Variants in LOXHD1 observed in about 807,000 individuals in gnomAD.
The protein encoded by LOXHD1 is lipoxygenase homology PLAT domains 1, also known as lipoxygenase homology domain-containing protein 1.
LOXHD1 carries 205 observed loss-of-function variants against 248.2 expected under a neutral mutation model. The ratio of observed to expected loss-of-function variants is 0.83; its 90% CI spans 0.74 to 0.93. LOXHD1 has a LOEUF of 0.93. LOXHD1 is among the 40% of genes least tolerant of loss of function. LOXHD1 has a pLI of 0.00. For synonymous variants in LOXHD1, 1,113 were observed against 1,162.8 expected, an observed-to-expected ratio of 0.96 and a Z score of 0.87; for missense variants, 2,930 against 2,971.6, an observed-to-expected ratio of 0.99 and a Z score of 0.33.
chr18:46,522,030 C>CACTCTCCCTG, intron 32 of LOXHD1, 71 bp downstream of exon 32: 1 of 1,218,792 alleles, frequency 8.2e-7, no homozygotes, highest in Non-Finnish European at 1.1e-6. Context: ...ACTCTCCCGC[C>CACTCTCCCTG]CACCCAGGAA....
chr18:46,585,834 A>G (rs910146907), intron 12 of LOXHD1, among the ~76,000 whole-genome samples: 2 of 152,268 alleles, frequency 1.3e-5, no homozygotes, highest in Admixed American at 1.3e-4. Flanking sequence ...AAAATGGTAC[A>G]GCTATTTTGA....
chr18:46,591,910 A>T, intron 12 of LOXHD1, 23 bp downstream of exon 12: 1 of 1,551,378 alleles, frequency 6.4e-7, no homozygotes, highest in Non-Finnish European at 8.7e-7. Flanking sequence ...GCCTCCCAGG[A>T]TGGAGAGCCT....
rs373924055 is a variant in LOXHD1 at position 46,518,215 on chromosome 18, G to A, written c.5313C>T (p.Gly1771=). Residue 1771 remains glycine (G), a synonymous_variant, in exon 34 of 41, where the codon GGC becomes GGT. Transcript: ENST00000642948. ...TGAAGATGTTGGAGTCAGTGCCCCC[G>A]CCAACCACATCCCCTGTCCACACCG... The part of the protein sequence containing the change: ...EMTVWTGDVV[G]GGTDSNIFMT... 1.9e-3 allele frequency: 2,973 copies of A among 1,551,576 alleles called. 1 individual carries two copies. Among genetic ancestry groups the A allele is most frequent in the Non-Finnish European group, 2.2e-3 (2,580 of 1,146,956 alleles).
At chr18:46,615,576 T>C (rs1377835686) in intron 5 of LOXHD1, among the ~76,000 whole-genome samples, 1 of 152,252 alleles carries the variant, frequency 6.6e-6, no homozygotes, top group Non-Finnish European at 1.5e-5. Flanking sequence ...AAGAATGTTG[T>C]CCCTATATTA....
rs886139298 is a variant in LOXHD1, at chr18:46,560,492, G to T, written c.2652C>A (p.Gly884=). 19 of 1,537,880 alleles carry T rather than the reference G, an allele frequency of 1.2e-5. No individual in the cohort carries two copies. The highest frequency in any genetic ancestry group is 1.7e-5 in the Non-Finnish European group (19 of 1,146,650). The change falls in exon 19 of 41, where the codon GGC becomes GGA. Residue 884 remains glycine, a synonymous_variant. Coordinates refer to ENST00000642948, the MANE Select transcript of LOXHD1 (RefSeq NM_001384474.1). ...EVYKLRLGHT[G]EGFGPSWFVD... The stretch of plus-strand genomic sequence containing the variant: ...CGAACCAGCTGGGCCCAAAGCCCTC[G>T]CCCGTGTGCCCGAGCCGGAGCTTAT...
chr18:46,629,069 C>T (rs2038784719), intron 4 of LOXHD1, among the ~76,000 whole-genome samples: 1 of 152,136 alleles, frequency 6.6e-6, no homozygotes, highest in Non-Finnish European at 1.5e-5. Context: ...CTCCTTTTGC[C>T]CCCATGGAGG....
At chr18:46,550,961 CATT>C (rs1187113776) in intron 21 of LOXHD1, among the ~76,000 whole-genome samples, 2 of 152,168 alleles carry the variant, frequency 1.3e-5, no homozygotes, top group African/African-American at 2.4e-5. Context: ...TCTGCTTACT[CATT>C]GTTGTATCCA....
Position 46,533,207 on chromosome 18 carries a change from C to G in LOXHD1, c.4330G>C (p.Gly1444Arg). 1 of 1,551,722 alleles carries G rather than the reference C, an allele frequency of 6.4e-7. No individual in the cohort carries two copies. The highest frequency in any genetic ancestry group is 1.2e-5 in the South Asian group (1 of 84,056). ...TCCTTGTAGACTTGCCGTAAGGACC[C>G]ATCTTTCATGTATTTCTCAGTGAAG... ...DIFTEKYMKD[G>R]SLRQVYKEVE... is the part of the protein sequence containing the mutation. The change falls in exon 28 of 41, where the codon GGG (glycine) becomes CGG (arginine). Residue 1444 changes from glycine to arginine, a missense_variant. Transcript: ENST00000642948.
At chr18:46,508,285 T>G (rs1363860495) in intron 35 of LOXHD1, among the ~76,000 whole-genome samples, 1 of 152,222 alleles carries the variant, frequency 6.6e-6, no homozygotes, top group East Asian at 1.9e-4. Context: ...ATTCATATGT[T>G]GAATTCTTAA....
intron 5 of LOXHD1, among the ~76,000 whole-genome samples, chr18:46,615,555 C>T (rs563133263): frequency 1.8e-4 from 27 of 152,110 alleles, no homozygotes; most frequent in African/African-American, 6.3e-4. Context: ...AATTTTATTG[C>T]CTTATGATCA....
chr18:46,588,654 CTG>C (rs908146503), intron 12 of LOXHD1, among the ~76,000 whole-genome samples: 2 of 152,356 alleles, frequency 1.3e-5, no homozygotes, highest in African/African-American at 4.8e-5. Flanking sequence ...TATCTCACCA[CTG>C]TGTTTCCACA....
Position 46,592,575 on chromosome 18 carries a change from G to A in LOXHD1, c.1441C>T (p.Pro481Ser), listed in dbSNP as rs189622061. The A allele has an allele frequency of 2.0e-5, 31 of 1,551,376 alleles. No homozygotes were observed. The African/African-American group carries it at 2.5e-4, about 12-fold the overall frequency. ...GIIEKFRIEL[P>S]DLGRFYKIRV... The stretch of plus-strand genomic sequence containing the variant: ...ATCTTATAAAACCTGCCAAGATCCG[G>A]GAGCTCAATCTATGGTGAGAAATAA... The change falls in exon 11 of 41, where the codon CCG (proline) becomes TCG (serine). Residue 481 changes from proline to serine, a missense_variant. Pro to Ser is a moderately conservative substitution (Grantham distance 74). Coordinates refer to ENST00000642948, the MANE Select transcript of LOXHD1 (RefSeq NM_001384474.1).
At chr18:46,644,643 A>G (rs1309232381) in intron 2 of LOXHD1, among the ~76,000 whole-genome samples, 1 of 152,138 alleles carries the variant, frequency 6.6e-6, no homozygotes, top group African/African-American at 2.4e-5. Context: ...ACTTGAGCCC[A>G]GGAATTTGAG....
At chr18:46,543,687 A>G (rs759500611) in intron 23 of LOXHD1, among the ~76,000 whole-genome samples, 3 of 152,182 alleles carry the variant, frequency 2.0e-5, no homozygotes, top group Non-Finnish European at 4.4e-5. Flanking sequence ...GAGTTTTACA[A>G]TAACCCTTTA....
At position 46,522,222 on chromosome 18, in the gene LOXHD1, T is replaced by C; in HGVS notation, c.4964A>G (p.Asp1655Gly). Residue 1655 changes from aspartate to glycine, a missense_variant, in exon 32 of 41, where the codon GAT becomes GGT. By Grantham distance (94) the Asp-to-Gly change is moderately conservative. Coordinates refer to ENST00000642948, the MANE Select transcript of LOXHD1 (RefSeq NM_001384474.1). ...SRAFIFLIGE[D>G]DERSKRIWLD... ...CCAGATGCGCTTACTACGTTCATCA[T>C]CCTCCCCGATGAGAAAGATGAAGGC... is the stretch of plus-strand genomic sequence containing the variant. 6.4e-7 allele frequency: 1 copy of C among 1,551,778 alleles called. No homozygotes were observed. The highest frequency in any genetic ancestry group is 8.7e-7 in the Non-Finnish European group (1 of 1,147,020).
In LOXHD1 at chr18:46,561,438, G is replaced by C. The variant is rs573753936; in HGVS notation, c.2599-893C>G. 3.0e-4 allele frequency among the ~76,000 whole-genome samples: 45 copies of C among 152,290 alleles called. 1 individual carries two copies. In the South Asian group the frequency reaches 9.3e-3, roughly 32 times the overall value. On this transcript the variant is annotated intron_variant, in intron 18 of 40. Transcript: ENST00000642948. Reference sequence around the variant, plus strand: ...GAGGAAGGACCCACATTAAGGTAGGGTCTGGTCCGTCCCCTGCAGCACTCA... The same window carrying C: ...GAGGAAGGACCCACATTAAGGTAGGCTCTGGTCCGTCCCCTGCAGCACTCA...
At chr18:46,544,711 T>G in intron 23 of LOXHD1, 1 of 426,596 alleles carries the variant, frequency 2.3e-6, no homozygotes, top group Non-Finnish European at 4.9e-6. Context: ...GAGTGGAGGT[T>G]TGAACCAATC....
At chr18:46,480,050 G>T (rs1441106579) in intron 40 of LOXHD1, among the ~76,000 whole-genome samples, 1 of 152,080 alleles carries the variant, frequency 6.6e-6, no homozygotes, top group Non-Finnish European at 1.5e-5. Context: ...GATAAATTTG[G>T]ATTGTTGTTA....
chr18:46,572,916 G>T (rs935944607), intron 14 of LOXHD1, among the ~76,000 whole-genome samples: 1 of 150,732 alleles, frequency 6.6e-6, no homozygotes, highest in Admixed American at 6.6e-5. Flanking sequence ...CCAGCTACTC[G>T]GGAGGCTGAG....
Sources: allele counts gnomAD v4.1 joint callset (sites outside exome capture counted in the v4.1 genomes callset), GRCh38; gene constraint gnomAD v4.1.1; transcripts MANE v1.5; gene names NCBI Gene and HGNC (gene_info 2026-07-23, HGNC 2026-07-21).